The following JAZF1 variants were observed in gnomAD, a reference collection of about 807,000 sequenced individuals.
The protein encoded by JAZF1 is juxtaposed with another zinc finger protein 1.
A neutral mutation model predicts 26.4 loss-of-function variants in JAZF1; 8 were observed. That is an observed-to-expected ratio of 0.30 (90% CI 0.18 to 0.55). The LOEUF (loss-of-function observed/expected upper bound fraction) is 0.55, where lower values mean the gene tolerates loss of function less well. Ranked by LOEUF, JAZF1 falls within the 20% of genes least tolerant of loss-of-function variation. The pLI is 0.94. For synonymous variants in JAZF1, 126 were observed against 122.3 expected (o/e 1.03, Z -0.20); for missense variants, 199 against 322.0 (o/e 0.62, Z 2.92).
Position 28,105,596 on chromosome 7 carries a change from A to C in JAZF1, c.115+74867T>G, listed in dbSNP as rs183659989. On this transcript the variant is annotated intron_variant, in intron 1 of 4. Transcript: ENST00000283928. ...ACACCCTAAGGCTCCTTTAGAAAGA[A>C]GCAACTTATAAAATTATATCCTGTT... Among the ~76,000 whole-genome samples the C allele has an allele frequency of 5.3e-5, 8 of 152,334 alleles. No individual in the cohort carries two copies. The East Asian group carries it at 1.5e-3, about 29-fold the overall frequency.
At chr7:28,076,239 G>C (rs1450078022) in intron 1 of JAZF1, among the ~76,000 whole-genome samples, 2 of 152,210 alleles carry the variant, frequency 1.3e-5, no homozygotes, top group African/African-American at 4.8e-5. Flanking sequence ...CAACGGCCCA[G>C]AGCAAAATGG....
At chr7:28,156,050 C>A (rs182986281) in intron 1 of JAZF1, among the ~76,000 whole-genome samples, 3 of 152,354 alleles carry the variant, frequency 2.0e-5, no homozygotes, top group African/African-American at 7.2e-5. Context: ...TTCATTCAAT[C>A]CAAATTGCCA....
chr7:27,836,006 A>G (rs1782803620), intron 4 of JAZF1, among the ~76,000 whole-genome samples: 1 of 152,194 alleles, frequency 6.6e-6, no homozygotes, highest in South Asian at 2.1e-4. Flanking sequence ...TGGATGAGAG[A>G]ATTGACTCCT....
chr7:28,054,156 T>C (rs1783659912), intron 1 of JAZF1, among the ~76,000 whole-genome samples: 1 of 152,192 alleles, frequency 6.6e-6, no homozygotes, highest in Non-Finnish European at 1.5e-5. Flanking sequence ...CATATAATCC[T>C]ATATCTACTT....
Position 27,981,255 on chromosome 7 carries a change from C to T in JAZF1, c.188+10654G>A, listed in dbSNP as rs886138988. ...TTCTCCAGATCTAACTTCTAATTTA[C>T]AGTAAATACAGAAGACAGAGGAACC... On this transcript the variant is annotated intron_variant, in intron 2 of 4. Transcript: ENST00000283928. Among the ~76,000 whole-genome samples the T allele has an allele frequency of 5.3e-5, 8 of 152,300 alleles. No individual in the cohort carries two copies. The East Asian group carries it at 7.7e-4, about 15-fold the overall frequency.
intron 1 of JAZF1, among the ~76,000 whole-genome samples, chr7:28,022,248 T>C (rs1783018063): frequency 6.6e-6 from 1 of 152,238 alleles, no homozygotes; most frequent in Admixed American, 6.5e-5. Context: ...TTCTCCATAT[T>C]ATGTAACTTT....
At chr7:27,972,873 A>T (rs1282370386) in intron 2 of JAZF1, among the ~76,000 whole-genome samples, 1 of 151,934 alleles carries the variant, frequency 6.6e-6, no homozygotes, top group Non-Finnish European at 1.5e-5. Context: ...ATATACATAT[A>T]CGTATATATC....
intron 1 of JAZF1, among the ~76,000 whole-genome samples, chr7:28,139,513 A>G (rs1266721648): frequency 6.6e-6 from 1 of 152,230 alleles, no homozygotes; most frequent in African/African-American, 2.4e-5. Flanking sequence ...AGAACTTCCT[A>G]TGAAGACTGG....
At chr7:27,963,569 C>CCCT (rs1554278421) in intron 2 of JAZF1, among the ~76,000 whole-genome samples, 9,173 of 132,056 alleles carry the variant, frequency 0.069, 470 homozygotes, top group Middle Eastern at 0.098. Flanking sequence ...CCCCCCCCCC[C>CCCT]TTTTTTTTTG....
rs570297457 is a variant in JAZF1, at chr7:27,951,646, C to G, written c.188+40263G>C. Among the ~76,000 whole-genome samples, 9 of 152,258 alleles carry G rather than the reference C, an allele frequency of 5.9e-5. No individual in the cohort carries two copies. The South Asian group carries it at 1.9e-3, about 32-fold the overall frequency. ...AGTTAATTATTACAGTATTTAGGTCCTGATGTTGGTGCTTATACTCAACAA... is the reference window on the plus strand; with the variant it reads ...AGTTAATTATTACAGTATTTAGGTCGTGATGTTGGTGCTTATACTCAACAA... On this transcript the variant is annotated intron_variant, in intron 2 of 4. Transcript: ENST00000283928.
At chr7:27,929,106 C>T (rs2128349535) in intron 2 of JAZF1, among the ~76,000 whole-genome samples, 2 of 152,348 alleles carry the variant, frequency 1.3e-5, no homozygotes, top group Middle Eastern at 6.8e-3. Context: ...TTCTAAGCAA[C>T]TTATCCCTCT....
At chr7:28,022,503 AAAT>A (rs2128373100) in intron 1 of JAZF1, among the ~76,000 whole-genome samples, 1 of 152,336 alleles carries the variant, frequency 6.6e-6, no homozygotes, top group Admixed American at 6.5e-5. Flanking sequence ...TTCCTTTAAA[AAAT>A]AATAACATTT....
At chr7:27,982,309 C>T (rs1030445543) in intron 2 of JAZF1, among the ~76,000 whole-genome samples, 6 of 152,122 alleles carry the variant, frequency 3.9e-5, no homozygotes, top group African/African-American at 7.2e-5. Context: ...TTATATCCCG[C>T]GCATGGCTCA....
intron 2 of JAZF1, among the ~76,000 whole-genome samples, chr7:27,983,544 G>A (rs970860947): frequency 2.0e-5 from 3 of 152,268 alleles, no homozygotes; most frequent in African/African-American, 7.2e-5. Flanking sequence ...TTATCCAGGA[G>A]AACTTCCCCA....
At chr7:27,979,366 ATTTTTTTTTTTTTTTTTTTTTT>A (rs55737757) in intron 2 of JAZF1, among the ~76,000 whole-genome samples, 761 of 58,452 alleles carry the variant, frequency 0.013, 16 homozygotes, top group South Asian at 0.036. Context: ...GGTACACTAC[ATTTTTTTTTTTTTTTTTTTTTT>A]TTTTTTTTTT....
At chr7:27,871,385 G>A (rs1346306436) in intron 3 of JAZF1, among the ~76,000 whole-genome samples, 1 of 152,136 alleles carries the variant, frequency 6.6e-6, no homozygotes, top group Non-Finnish European at 1.5e-5. Context: ...CCCTTGCTTT[G>A]TTTTGCTCTA....
intron 3 of JAZF1, among the ~76,000 whole-genome samples, chr7:27,848,619 T>A (rs1019153613): frequency 6.6e-6 from 1 of 152,274 alleles, no homozygotes; most frequent in East Asian, 1.9e-4. Context: ...ATCCCTTTTA[T>A]TGGGATGGTT....
At chr7:28,084,109 C>A (rs1784178353) in intron 1 of JAZF1, among the ~76,000 whole-genome samples, 1 of 152,118 alleles carries the variant, frequency 6.6e-6, no homozygotes, top group Non-Finnish European at 1.5e-5. Flanking sequence ...CATCACACTG[C>A]AACATTTTCT....
chr7:27,832,722 T>C lies in JAZF1; in HGVS notation c.*78A>G, dbSNP rs1782729877. 4 of 1,200,672 alleles carry C rather than the reference T, an allele frequency of 3.3e-6. No individual in the cohort carries two copies. The highest frequency in any genetic ancestry group is 3.4e-6 in the Non-Finnish European group (3 of 878,160). 74.4% of individuals were successfully genotyped at this position (1,200,672 alleles called of 1,614,324 possible). On this transcript the variant is annotated 3_prime_UTR_variant, in exon 5 of 5. Transcript: ENST00000283928. ...TTTTCTTTAAAGGGTTGCTGAATGC[T>C]TCCCCTGAAAAAAGGTGGCTGTTTT...
Sources: allele counts gnomAD v4.1 joint callset (sites outside exome capture counted in the v4.1 genomes callset), GRCh38; gene constraint gnomAD v4.1.1; transcripts MANE v1.5; gene names NCBI Gene and HGNC (gene_info 2026-07-23, HGNC 2026-07-21).